Variants in IL15 observed in about 807,000 individuals in gnomAD.
The protein encoded by IL15 is interleukin-15.
In IL15, 11 loss-of-function variants were observed where a neutral mutation model predicts 19.6. The observed-to-expected ratio is 0.56, with a 90% CI of 0.35 to 0.93. IL15 has a LOEUF of 0.93. Ranked by LOEUF, IL15 falls within the 40% of genes least tolerant of loss-of-function variation. The pLI, the probability that IL15 is intolerant of heterozygous loss-of-function variation, is 0.01. For missense variants in IL15, 197 were observed against 186.5 expected, an observed-to-expected ratio of 1.06 and a Z score of -0.33; for synonymous variants, 58 against 59.6, an observed-to-expected ratio of 0.97 and a Z score of 0.12.
chr4:141,682,901 G>A (rs1025697511), intron 2 of IL15, among the ~76,000 whole-genome samples: 15 of 151,796 alleles, frequency 9.9e-5, no homozygotes, highest in Admixed American at 4.6e-4. Flanking sequence ...GCAGTGAGCC[G>A]AGATCACGCC....
intron 4 of IL15, chr4:141,721,693 G>A: frequency 1.8e-6 from 1 of 551,478 alleles, no homozygotes; most frequent in South Asian, 2.1e-5. Context: ...CTACAGTTAG[G>A]CTTTTCTCTA....
At chr4:141,700,199 G>A (rs1001817988) in intron 2 of IL15, among the ~76,000 whole-genome samples, 7 of 152,158 alleles carry the variant, frequency 4.6e-5, no homozygotes, top group Non-Finnish European at 1.0e-4. Context: ...GATTATAGGA[G>A]TGAGCCACTG....
At chr4:141,649,709 C>G (rs1007195904) in intron 1 of IL15, among the ~76,000 whole-genome samples, 2 of 151,956 alleles carry the variant, frequency 1.3e-5, no homozygotes, top group African/African-American at 2.4e-5. Context: ...GTAAAACAAA[C>G]CAGCAACACA....
chr4:141,721,715 T>C, intron 4 of IL15: 1 of 571,612 alleles, frequency 1.7e-6, no homozygotes. Context: ...TCCGGGTTGG[T>C]GAAGCCTCAA....
At chr4:141,645,178 G>T (rs1327712700) in intron 1 of IL15, among the ~76,000 whole-genome samples, 1 of 152,056 alleles carries the variant, frequency 6.6e-6, no homozygotes, top group Non-Finnish European at 1.5e-5. Flanking sequence ...CATTCACTCC[G>T]TTAGATAAAA....
intron 1 of IL15, among the ~76,000 whole-genome samples, chr4:141,639,395 C>A (rs1201214429): frequency 1.3e-5 from 2 of 152,096 alleles, no homozygotes. Context: ...TCTTTATAAT[C>A]AAATAATATT....
intron 2 of IL15, among the ~76,000 whole-genome samples, chr4:141,691,716 G>C (rs1337875897): frequency 6.6e-6 from 1 of 152,154 alleles, no homozygotes; most frequent in Non-Finnish European, 1.5e-5. Context: ...GCAAAGGGTG[G>C]GCTCCCAAGA....
At chr4:141,688,453 C>T (rs1728780458) in intron 2 of IL15, among the ~76,000 whole-genome samples, 1 of 152,170 alleles carries the variant, frequency 6.6e-6, no homozygotes, top group Non-Finnish European at 1.5e-5. Flanking sequence ...AAAAATCTTA[C>T]ATTCAAGAAA....
chr4:141,728,067 G>A lies in IL15; in HGVS notation c.240+83G>A, dbSNP rs528994142. 648 of 686,212 alleles carry A rather than the reference G, an allele frequency of 9.4e-4. 9 individuals carry two copies. In the South Asian group the frequency reaches 0.01, roughly 11 times the overall value. 42.5% of individuals were successfully genotyped at this position (686,212 alleles called of 1,614,324 possible). ...ATATTTTTGTAACAACTAAAATATG[G>A]TAGTTTTAAAATCTAACTTTTGGTG... On this transcript the variant is annotated intron_variant, in intron 6 of 7. Transcript: ENST00000320650.
chr4:141,733,030 T>G lies in IL15; in HGVS notation c.*182T>G. On this transcript the variant is annotated 3_prime_UTR_variant, in exon 8 of 8. Transcript: ENST00000320650. Reference sequence around the variant, plus strand: ...AAGGCAGAAAAATGTCATTGAGTAATATAGTGACTATGAACTTCTCTCAGA... The same window carrying G: ...AAGGCAGAAAAATGTCATTGAGTAAGATAGTGACTATGAACTTCTCTCAGA... 1 of 797,694 alleles carries G rather than the reference T, an allele frequency of 1.3e-6. No homozygotes were observed. The highest frequency in any genetic ancestry group is 1.8e-6 in the Non-Finnish European group (1 of 564,128). The allele number at this position is 797,694 out of a possible 1,614,324, so 49.4% of individuals were successfully genotyped here.
intron 2 of IL15, among the ~76,000 whole-genome samples, chr4:141,669,058 T>C (rs1728087720): frequency 6.6e-6 from 1 of 152,238 alleles, no homozygotes; most frequent in African/African-American, 2.4e-5. Context: ...GATTATTTTA[T>C]CATCATTTTA....
intron 1 of IL15, among the ~76,000 whole-genome samples, chr4:141,639,548 G>A (rs1053500788): frequency 6.6e-6 from 1 of 152,210 alleles, no homozygotes; most frequent in African/African-American, 2.4e-5. Flanking sequence ...CTAGATATCT[G>A]TCTCTGCCTA....
At chr4:141,698,352 A>T (rs899258418) in intron 2 of IL15, among the ~76,000 whole-genome samples, 2 of 152,066 alleles carry the variant, frequency 1.3e-5, no homozygotes, top group Non-Finnish European at 2.9e-5. Context: ...CTGGCGTTAT[A>T]GAATGATTTA....
chr4:141,643,278 T>C (rs999753111), intron 1 of IL15, among the ~76,000 whole-genome samples: 9 of 152,186 alleles, frequency 5.9e-5, no homozygotes, highest in Non-Finnish European at 8.8e-5. Context: ...TCTGCCATTT[T>C]TAAAAAAGAC....
At chr4:141,657,973 T>G (rs1293465688) in intron 2 of IL15, among the ~76,000 whole-genome samples, 1 of 152,194 alleles carries the variant, frequency 6.6e-6, no homozygotes, top group Non-Finnish European at 1.5e-5. Flanking sequence ...GGCAGCACAG[T>G]AAGTGTGTTT....
At chr4:141,646,534 C>T (rs1727230915) in intron 1 of IL15, among the ~76,000 whole-genome samples, 2 of 152,052 alleles carry the variant, frequency 1.3e-5, no homozygotes, top group Non-Finnish European at 2.9e-5. Flanking sequence ...CAAATTGCAG[C>T]CTCACCAGCA....
chr4:141,729,984 G>A lies in IL15; in HGVS notation c.378G>A (p.Gly126=). ...CAAACAACAGTTTGTCTTCTAATGG[G>A]GTGAGTTTTCCAACAGTTGCTTAGA... The part of the protein sequence containing the change: ...ILANNSLSSN[G]NVTESGCKEC... The change falls in exon 7 of 8, where the codon GGG becomes GGA. Residue 126 remains glycine (G), a splice_region_variant and synonymous_variant. Transcript: ENST00000320650. 1.2e-6 allele frequency: 2 copies of A among 1,609,050 alleles called. No individual in the cohort carries two copies. The highest frequency in any genetic ancestry group is 1.7e-6 in the Non-Finnish European group (2 of 1,175,960).
At chr4:141,707,314 G>A (rs1384334186) in intron 2 of IL15, among the ~76,000 whole-genome samples, 2 of 151,830 alleles carry the variant, frequency 1.3e-5, no homozygotes, top group East Asian at 1.9e-4. Context: ...ATTATTGATT[G>A]TTTGTCTGTG....
intron 1 of IL15, among the ~76,000 whole-genome samples, chr4:141,638,239 A>C (rs188271197): frequency 3.9e-5 from 6 of 152,346 alleles, no homozygotes; most frequent in Admixed American, 1.3e-4. Flanking sequence ...TAGATTTAAA[A>C]AGTGAAGAAA....
Sources: allele counts gnomAD v4.1 joint callset (sites outside exome capture counted in the v4.1 genomes callset), GRCh38; gene constraint gnomAD v4.1.1; transcripts MANE v1.5; gene names NCBI Gene and HGNC (gene_info 2026-07-23, HGNC 2026-07-21).